SH3BGRL2: variants seen among roughly 807,000 people sequenced by gnomAD.
SH3BGRL2 encodes SH3 domain binding glutamate rich protein like 2.
A neutral mutation model predicts 14.8 loss-of-function variants in SH3BGRL2; 21 were observed. That is an observed-to-expected ratio of 1.42 (90% CI 1.01 to 2.05). The LOEUF is 2.05. Among genes scored for constraint, SH3BGRL2 ranks in the 30% most tolerant of loss-of-function variants. The pLI is 0.00. For missense variants in SH3BGRL2, 147 were observed against 130.8 expected (o/e 1.12, Z -0.61); for synonymous variants, 50 against 47.8 (o/e 1.05, Z -0.19).
At chr6:79,619,891 T>C in the SH3BGRL2 span, among the ~76,000 whole-genome samples, 1 of 152,240 alleles carries the variant, frequency 6.6e-6, no homozygotes, top group East Asian at 1.9e-4. Flanking sequence ...CCTGAGATTT[T>C]ACTAACATTT....
chr6:79,692,206 TG>T (rs1425963336), intron 2 of SH3BGRL2, among the ~76,000 whole-genome samples: 3 of 152,214 alleles, frequency 2.0e-5, no homozygotes, highest in Non-Finnish European at 4.4e-5. Context: ...TGGGGTTGTT[TG>T]TTTTTTTCTT....
At chr6:79,580,325 TC>T in the SH3BGRL2 span, among the ~76,000 whole-genome samples, 1 of 152,156 alleles carries the variant, frequency 6.6e-6, no homozygotes, top group South Asian at 2.1e-4. Flanking sequence ...TCACCCCAAA[TC>T]AACAGAATAT....
intron 1 of SH3BGRL2, among the ~76,000 whole-genome samples, chr6:79,650,433 G>A (rs1453187196): frequency 1.3e-5 from 2 of 152,098 alleles, no homozygotes; most frequent in African/African-American, 4.8e-5. Flanking sequence ...TGCTATAAAG[G>A]AATACCTGAA....
At position 79,701,109 on chromosome 6, in the gene SH3BGRL2, A is replaced by T. The variant is rs1770446741; in HGVS notation, c.*1600A>T. 1 of 152,184 alleles carries T rather than the reference A, an allele frequency of 6.6e-6. No individual in the cohort carries two copies. The highest frequency in any genetic ancestry group is 2.4e-5 in the African/African-American group (1 of 41,446). The allele number at this position is 152,184 out of a possible 1,614,324, so 9.4% of individuals were successfully genotyped here. A position where few individuals can be genotyped will look rare whatever the true frequency, so the allele number is the denominator to read the frequency against. On this transcript the variant is annotated 3_prime_UTR_variant, in exon 4 of 4. Coordinates refer to ENST00000369838, the MANE Select transcript of SH3BGRL2 (RefSeq NM_031469.4). ...TACAACCAGAAGGAAAGTATGACAGATTTCTACTTAACTAGAATGGACACA... is the reference window on the plus strand; with the variant it reads ...TACAACCAGAAGGAAAGTATGACAGTTTTCTACTTAACTAGAATGGACACA...
the SH3BGRL2 span, among the ~76,000 whole-genome samples, chr6:79,614,601 T>C: frequency 6.6e-6 from 1 of 152,106 alleles, no homozygotes; most frequent in Non-Finnish European, 1.5e-5. Flanking sequence ...GTAGAATCAT[T>C]AGACTGCCCC....
intron 1 of SH3BGRL2, among the ~76,000 whole-genome samples, chr6:79,645,676 G>A (rs1410742370): frequency 6.6e-6 from 1 of 152,194 alleles, no homozygotes. Context: ...GTTTCAAGAA[G>A]AATGGGAGCC....
At chr6:79,579,922 A>T in the SH3BGRL2 span, among the ~76,000 whole-genome samples, 3 of 152,238 alleles carry the variant, frequency 2.0e-5, no homozygotes, top group Non-Finnish European at 4.4e-5. Context: ...GCAGAGACAC[A>T]TGTAAGCTCA....
intron 1 of SH3BGRL2, 142 bp downstream of exon 1, chr6:79,631,648 T>G: frequency 6.9e-6 from 2 of 289,060 alleles, no homozygotes; most frequent in Non-Finnish European, 5.7e-6. Flanking sequence ...TCCATCACAC[T>G]CCGACAACAA....
At chr6:79,687,234 T>C (rs1770114650) in intron 2 of SH3BGRL2, among the ~76,000 whole-genome samples, 1 of 152,186 alleles carries the variant, frequency 6.6e-6, no homozygotes. Flanking sequence ...GTTCTTCTAT[T>C]GGTTTGGGCT....
At chr6:79,598,203 C>T in the SH3BGRL2 span, among the ~76,000 whole-genome samples, 1 of 152,198 alleles carries the variant, frequency 6.6e-6, no homozygotes, top group Non-Finnish European at 1.5e-5. Context: ...AGAGGTTAAA[C>T]ATAGAGTCAC....
rs1412658318 is a variant in SH3BGRL2, at chr6:79,673,757, C to G, written c.189C>G (p.Asn63Lys). 2 of 1,614,014 alleles carry G rather than the reference C, an allele frequency of 1.2e-6. No homozygotes were observed. Among genetic ancestry groups the G allele is most frequent in the Non-Finnish European group, 1.7e-6 (2 of 1,179,988 alleles). ...VPPEKKPTQG[N>K]PLPPQIFNGD... ...CGGAAAAGAAACCCACTCAGGGCAA[C>G]CCCCTGCCACCTCAGATATTTAATG... Residue 63 changes from asparagine to lysine, a missense_variant, in exon 2 of 4, where the codon AAC becomes AAG. Coordinates refer to ENST00000369838, the MANE Select transcript of SH3BGRL2 (RefSeq NM_031469.4).
At chr6:79,649,967 A>ACTCT (rs67263724) in intron 1 of SH3BGRL2, among the ~76,000 whole-genome samples, 140 of 146,492 alleles carry the variant, frequency 9.6e-4, no homozygotes, top group African/African-American at 3.2e-3. Flanking sequence ...GTTCTTATGT[A>ACTCT]CTCTCTCTCT....
intron 2 of SH3BGRL2, among the ~76,000 whole-genome samples, chr6:79,684,182 A>G (rs139338056): frequency 2.3e-4 from 35 of 152,244 alleles, no homozygotes; most frequent in African/African-American, 7.9e-4. Flanking sequence ...GATCTTTCTT[A>G]CCTCATATAC....
chr6:79,634,847 A>G (rs117627645), intron 1 of SH3BGRL2, among the ~76,000 whole-genome samples: 104 of 152,344 alleles, frequency 6.8e-4, no homozygotes, highest in Non-Finnish European at 1.3e-3. Flanking sequence ...GAAATGTGCC[A>G]GAAATCATAA....
chr6:79,595,021 C>T, the SH3BGRL2 span, among the ~76,000 whole-genome samples: 2 of 152,168 alleles, frequency 1.3e-5, no homozygotes, highest in South Asian at 4.1e-4. Flanking sequence ...CATGGTGGCT[C>T]ACGCCTGTAA....
At chr6:79,599,328 T>G in the SH3BGRL2 span, among the ~76,000 whole-genome samples, 49 of 152,120 alleles carry the variant, frequency 3.2e-4, no homozygotes, top group African/African-American at 1.1e-3. Flanking sequence ...ATACCCTTTC[T>G]TGCACTAAAC....
the SH3BGRL2 span, among the ~76,000 whole-genome samples, chr6:79,599,809 A>G: frequency 2.0e-5 from 3 of 152,172 alleles, no homozygotes; most frequent in Non-Finnish European, 4.4e-5. Flanking sequence ...GGCTAGAAAG[A>G]AACACCACTA....
At chr6:79,661,789 G>T (rs984394150) in intron 1 of SH3BGRL2, among the ~76,000 whole-genome samples, 9 of 152,158 alleles carry the variant, frequency 5.9e-5, no homozygotes, top group Middle Eastern at 6.8e-3. Flanking sequence ...GGTCTCTAAG[G>T]ACTTGCTTTA....
At chr6:79,693,235 T>A (rs984722580) in intron 2 of SH3BGRL2, among the ~76,000 whole-genome samples, 1 of 152,238 alleles carries the variant, frequency 6.6e-6, no homozygotes, top group Non-Finnish European at 1.5e-5. Flanking sequence ...TGAAGTTGCT[T>A]ATCAGCTGAA....
Sources: allele counts gnomAD v4.1 joint callset (sites outside exome capture counted in the v4.1 genomes callset), GRCh38; gene constraint gnomAD v4.1.1; transcripts MANE v1.5; gene names NCBI Gene and HGNC (gene_info 2026-07-23, HGNC 2026-07-21).